The following RBFOX1 variants were observed in gnomAD, a reference collection of about 807,000 sequenced individuals.
The protein encoded by RBFOX1 is RNA binding protein fox-1 homolog 1.
In RBFOX1, 8 loss-of-function variants were observed where a neutral mutation model predicts 57.7. The observed-to-expected ratio is 0.14, with a 90% CI of 0.08 to 0.25. The LOEUF is 0.25. RBFOX1 is among the 10% of genes least tolerant of loss of function. The pLI, the probability that RBFOX1 is intolerant of heterozygous loss-of-function variation, is 1.00. For missense variants in RBFOX1, 611 were observed against 548.5 expected (o/e 1.11, Z -1.14); for synonymous variants, 326 against 222.4 (o/e 1.47, Z -4.15).
chr16:5,872,953 C>T (rs912718662), intron 4 of RBFOX1, among the ~76,000 whole-genome samples: 4 of 151,944 alleles, frequency 2.6e-5, no homozygotes, highest in Non-Finnish European at 5.9e-5. Context: ...GAGATCCAGA[C>T]CATTCTGGCC....
chr16:6,891,142 C>T (rs2065317620), intron 3 of RBFOX1, among the ~76,000 whole-genome samples: 1 of 152,216 alleles, frequency 6.6e-6, no homozygotes, highest in South Asian at 2.1e-4. Flanking sequence ...TTAAAGCCTA[C>T]TCATGTCTTC....
chr16:7,166,150 A>T (rs1055709279), intron 4 of RBFOX1, among the ~76,000 whole-genome samples: 1 of 151,946 alleles, frequency 6.6e-6, no homozygotes, highest in Non-Finnish European at 1.5e-5. Flanking sequence ...AGTAGATGGG[A>T]TTACAGGTGC....
At chr16:6,041,465 G>C (rs1164716145) in intron 1 of RBFOX1, among the ~76,000 whole-genome samples, 1 of 152,094 alleles carries the variant, frequency 6.6e-6, no homozygotes. Context: ...TTCTTTCTTA[G>C]TGTTTTATAT....
At chr16:5,723,670 C>T (rs1270377826) in intron 3 of RBFOX1, among the ~76,000 whole-genome samples, 1 of 151,942 alleles carries the variant, frequency 6.6e-6, no homozygotes, top group African/African-American at 2.4e-5. Flanking sequence ...GAATAGTCAG[C>T]CCACAGGAAT....
intron 1 of RBFOX1, among the ~76,000 whole-genome samples, chr16:6,237,989 G>T (rs2097519145): frequency 6.6e-6 from 1 of 151,200 alleles, no homozygotes; most frequent in Non-Finnish European, 1.5e-5. Flanking sequence ...TACTCGGGAG[G>T]CTGAGGCAGG....
chr16:6,848,038 G>C (rs1311335111), intron 3 of RBFOX1, among the ~76,000 whole-genome samples: 1 of 151,986 alleles, frequency 6.6e-6, no homozygotes, highest in East Asian at 1.9e-4. Flanking sequence ...TACCATGTTG[G>C]CCAGGCTGGT....
At chr16:6,973,994 T>C (rs918538206) in intron 3 of RBFOX1, among the ~76,000 whole-genome samples, 2 of 152,180 alleles carry the variant, frequency 1.3e-5, no homozygotes, top group African/African-American at 2.4e-5. Context: ...GTTCTCATTG[T>C]TCAGCTCTCA....
intron 3 of RBFOX1, among the ~76,000 whole-genome samples, chr16:5,680,514 T>C (rs2050300251): frequency 6.6e-6 from 1 of 152,156 alleles, no homozygotes; most frequent in Admixed American, 6.5e-5. Flanking sequence ...GGTTTCTGGT[T>C]CCCTTGCAGA....
At chr16:5,773,943 C>T (rs150054868) in intron 3 of RBFOX1, among the ~76,000 whole-genome samples, 2 of 152,160 alleles carry the variant, frequency 1.3e-5, no homozygotes, top group African/African-American at 4.8e-5. Flanking sequence ...CTGCCTGCCT[C>T]AGCCTCCCAA....
At chr16:7,062,187 C>T (rs1025411552) in intron 4 of RBFOX1, among the ~76,000 whole-genome samples, 3 of 151,444 alleles carry the variant, frequency 2.0e-5, no homozygotes, top group African/African-American at 4.9e-5. Context: ...GGCATGGTGG[C>T]GGGTGCCTGC....
intron 3 of RBFOX1, among the ~76,000 whole-genome samples, chr16:6,916,330 T>G (rs1389234391): frequency 6.6e-6 from 1 of 152,170 alleles, no homozygotes; most frequent in Non-Finnish European, 1.5e-5. Context: ...TGGGTTGTTT[T>G]TACCTTTTTG....
chr16:6,419,222 G>A (rs970595395), intron 2 of RBFOX1, among the ~76,000 whole-genome samples: 2 of 152,050 alleles, frequency 1.3e-5, no homozygotes, highest in Non-Finnish European at 2.9e-5. Flanking sequence ...CCTCCTTTTT[G>A]AAGCACTCCA....
intron 3 of RBFOX1, among the ~76,000 whole-genome samples, chr16:5,799,225 C>T (rs557941729): frequency 6.6e-6 from 1 of 152,138 alleles, no homozygotes; most frequent in South Asian, 2.1e-4. Flanking sequence ...TATTCATTAC[C>T]ATAAGTACAG....
At chr16:5,358,911 T>A (rs140286744) in intron 1 of RBFOX1, among the ~76,000 whole-genome samples, 7 of 152,332 alleles carry the variant, frequency 4.6e-5, no homozygotes, top group Non-Finnish European at 8.8e-5. Context: ...TATTCATCCT[T>A]TGTATGTGTT....
chr16:5,640,132 C>T (rs1212074947), intron 3 of RBFOX1, among the ~76,000 whole-genome samples: 2 of 152,024 alleles, frequency 1.3e-5, no homozygotes, highest in East Asian at 1.9e-4. Flanking sequence ...TAGAAGTGGC[C>T]GCTTACCCAG....
intron 11 of RBFOX1, among the ~76,000 whole-genome samples, chr16:7,647,098 C>G (rs1028189258): frequency 6.6e-6 from 1 of 152,114 alleles, no homozygotes; most frequent in African/African-American, 2.4e-5. Context: ...TTGTTACATC[C>G]CTAAAGCTTC....
chr16:5,726,380 G>A (rs531139235), intron 3 of RBFOX1, among the ~76,000 whole-genome samples: 5 of 152,194 alleles, frequency 3.3e-5, no homozygotes, highest in African/African-American at 4.8e-5. Context: ...TGAATGGCCC[G>A]CATCTACTAA....
intron 4 of RBFOX1, among the ~76,000 whole-genome samples, chr16:7,097,976 T>C (rs1227370044): frequency 6.6e-6 from 1 of 152,090 alleles, no homozygotes; most frequent in Non-Finnish European, 1.5e-5. Context: ...TAGTGAGTGT[T>C]GTGAGGAGTT....
chr16:6,780,006 T>A (rs907301086), intron 3 of RBFOX1, among the ~76,000 whole-genome samples: 41 of 60,156 alleles, frequency 6.8e-4, no homozygotes, highest in Middle Eastern at 0.037. Context: ...TTTATATATA[T>A]TTATATATAT....
Sources: gnomAD v4.1 joint callset for allele counts (sites outside exome capture counted in the v4.1 genomes callset) on GRCh38, gnomAD v4.1.1 for gene constraint, MANE v1.5 for transcripts, NCBI Gene and HGNC (gene_info 2026-07-23, HGNC 2026-07-21) for gene names.